The following DYNC1LI1 variants were observed in gnomAD, a reference collection of about 807,000 sequenced individuals.
The protein encoded by DYNC1LI1 is dynein cytoplasmic 1 light intermediate chain 1, also known as cytoplasmic dynein 1 light intermediate chain 1.
In DYNC1LI1, 19 loss-of-function variants were observed where a neutral mutation model predicts 63.8. The observed-to-expected ratio is 0.30, with a 90% confidence interval of 0.21 to 0.44. The LOEUF is 0.44. DYNC1LI1 is among the 20% of genes least tolerant of loss of function. The probability of loss-of-function intolerance (pLI) is 1.00; values close to 1 mark genes in which losing one functional copy is unlikely to be tolerated. For missense variants in DYNC1LI1, 565 were observed against 630.2 expected, an observed-to-expected ratio of 0.90 and a Z score of 1.11; for synonymous variants, 225 against 232.3, an observed-to-expected ratio of 0.97 and a Z score of 0.28.
intron 4 of DYNC1LI1, 128 bp downstream of exon 4, chr3:32,544,743 CAAAAA>C: frequency 1.1e-5 from 6 of 555,082 alleles, no homozygotes; most frequent in East Asian, 3.1e-5. Context: ...CTCTTGTCTC[CAAAAA>C]AAAAAAAAAA....
At chr3:32,536,674 A>C (rs1345357154) in intron 6 of DYNC1LI1, among the ~76,000 whole-genome samples, 1 of 152,146 alleles carries the variant, frequency 6.6e-6, no homozygotes, top group African/African-American at 2.4e-5. Flanking sequence ...CACAATACTG[A>C]CCTTGTCCTA....
At chr3:32,531,656 C>A (rs965965261) in intron 8 of DYNC1LI1, 2 of 152,148 alleles carry the variant, frequency 1.3e-5, no homozygotes, top group African/African-American at 4.8e-5. Context: ...ACCACACCAA[C>A]TGATTTTTCA....
Position 32,526,668 on chromosome 3 carries a change from C to T in DYNC1LI1, c.*131G>A. 3 of 668,686 alleles carry T rather than the reference C, an allele frequency of 4.5e-6. No homozygotes were observed. Among genetic ancestry groups the T allele is most frequent in the East Asian group, 5.5e-5 (2 of 36,220 alleles). The allele number at this position is 668,686 out of a possible 1,614,324, so 41.4% of individuals were successfully genotyped here. A position where few individuals can be genotyped will look rare whatever the true frequency, so the allele number is the denominator to read the frequency against. On this transcript the variant is annotated 3_prime_UTR_variant, in exon 13 of 13. Transcript: ENST00000273130. Reference sequence around the variant, plus strand: ...AAATGGGTAACCACACACACACACACACACACACACGACATAAATTTAGTC... The same window carrying T: ...AAATGGGTAACCACACACACACACATACACACACACGACATAAATTTAGTC...
At position 32,542,168 on chromosome 3, in the gene DYNC1LI1, T is replaced by A. The variant is rs1249663689; in HGVS notation, c.569-962A>T. Among the ~76,000 whole-genome samples the A allele has an allele frequency of 2.0e-5, 3 of 152,284 alleles. No individual in the cohort carries two copies. In the East Asian group the frequency reaches 5.8e-4, roughly 29 times the overall value. On this transcript the variant is annotated intron_variant, in intron 4 of 12. Transcript: ENST00000273130. ...TCTTGCTCTGTCACCCATGCTGGAG[T>A]GCAGCGGTGCAATCATGGCTCACTA... is the stretch of plus-strand genomic sequence containing the variant.
intron 12 of DYNC1LI1, among the ~76,000 whole-genome samples, chr3:32,528,165 A>G (rs1387104925): frequency 2.7e-5 from 4 of 149,730 alleles, no homozygotes; most frequent in Non-Finnish European, 3.0e-5. Context: ...ATTGATACAT[A>G]TTACAACATG....
intron 2 of DYNC1LI1, among the ~76,000 whole-genome samples, chr3:32,559,203 T>G (rs1337587285): frequency 6.6e-6 from 1 of 152,050 alleles, no homozygotes; most frequent in Non-Finnish European, 1.5e-5. Context: ...CATTACTTCT[T>G]GATCAGTAAT....
At chr3:32,530,864 C>A (rs560380164) in intron 8 of DYNC1LI1, 4 of 214,708 alleles carry the variant, frequency 1.9e-5, no homozygotes, top group Non-Finnish European at 3.8e-5. Flanking sequence ...AAGTGGCTAC[C>A]GTATTGAACA....
At chr3:32,542,364 G>A (rs182907879) in intron 4 of DYNC1LI1, among the ~76,000 whole-genome samples, 1 of 151,542 alleles carries the variant, frequency 6.6e-6, no homozygotes, top group African/African-American at 2.4e-5. Context: ...GCATCCCAAA[G>A]TGTTGGGATA....
chr3:32,540,154 C>A (rs981938612), intron 5 of DYNC1LI1, among the ~76,000 whole-genome samples: 19 of 151,792 alleles, frequency 1.3e-4, no homozygotes, highest in Non-Finnish European at 1.5e-5. Flanking sequence ...CAGGTGTGAG[C>A]CACCATGCCT....
At chr3:32,529,963 T>C (rs1485781887) in intron 10 of DYNC1LI1, among the ~76,000 whole-genome samples, 1 of 152,210 alleles carries the variant, frequency 6.6e-6, no homozygotes, top group Non-Finnish European at 1.5e-5. Flanking sequence ...TGTATTCTAC[T>C]AGCTTTATAA....
At chr3:32,532,187 C>G (rs1217637781) in intron 8 of DYNC1LI1, 1 of 151,988 alleles carries the variant, frequency 6.6e-6, no homozygotes, top group Non-Finnish European at 1.5e-5. Flanking sequence ...AAAACTGGGC[C>G]GGGTGCAGTG....
chr3:32,551,991 T>C (rs1035959535), intron 2 of DYNC1LI1, among the ~76,000 whole-genome samples: 1 of 152,206 alleles, frequency 6.6e-6, no homozygotes, highest in Non-Finnish European at 1.5e-5. Context: ...CCAAACTACT[T>C]ACTAGTCATT....
chr3:32,536,306 G>A (rs1697772978), intron 6 of DYNC1LI1, among the ~76,000 whole-genome samples: 1 of 152,114 alleles, frequency 6.6e-6, no homozygotes, highest in African/African-American at 2.4e-5. Flanking sequence ...GAATGCAACT[G>A]CAAAATATCT....
intron 2 of DYNC1LI1, among the ~76,000 whole-genome samples, chr3:32,552,218 A>T (rs1278683188): frequency 6.6e-6 from 1 of 152,110 alleles, no homozygotes; most frequent in Non-Finnish European, 1.5e-5. Context: ...TTACCTCCTC[A>T]GGTAGGCCTC....
chr3:32,528,433 C>T lies in DYNC1LI1; in HGVS notation c.1462+13G>A, dbSNP rs373688024. On this transcript the variant is annotated intron_variant, in intron 12 of 12. Transcript: ENST00000273130. Reference sequence around the variant, plus strand: ...GTTATTTTAAACAAGTGACTTGCTTCCCATAAGCATACCTGACTTTTTGGT... The same window carrying T: ...GTTATTTTAAACAAGTGACTTGCTTTCCATAAGCATACCTGACTTTTTGGT... 11 of 1,613,840 alleles carry T rather than the reference C, an allele frequency of 6.8e-6. No homozygotes were observed. The African/African-American group carries it at 1.2e-4, about 18-fold the overall frequency.
Position 32,545,289 on chromosome 3 carries a change from A to G in DYNC1LI1, c.338-183T>C, listed in dbSNP as rs987956983. The G allele has an allele frequency of 2.0e-5, 12 of 600,704 alleles. No individual in the cohort carries two copies. In the Admixed American group the frequency reaches 2.1e-4, roughly 11 times the overall value. 37.2% of individuals were successfully genotyped at this position (600,704 alleles called of 1,614,324 possible). ...GGCCGAAAATGACTTAACTGCCAGT[A>G]AAGTTCAACTGTTTAGGCCATCTGC... is the stretch of plus-strand genomic sequence containing the variant. On this transcript the variant is annotated intron_variant, in intron 3 of 12. Transcript: ENST00000273130.
chr3:32,544,866 G>C lies in DYNC1LI1; in HGVS notation c.568+10C>G. 1 of 1,568,992 alleles carries C rather than the reference G, an allele frequency of 6.4e-7. No homozygotes were observed. ...TTTGAAACCTACATTACTGTTTCTA[G>C]ATTACTTACACTTTTGTTCCATTTG... On this transcript the variant is annotated intron_variant, in intron 4 of 12. Coordinates refer to ENST00000273130, the MANE Select transcript of DYNC1LI1 (RefSeq NM_016141.4).
At position 32,533,781 on chromosome 3, in the gene DYNC1LI1, T is replaced by G. The variant is rs372600149; in HGVS notation, c.969-684A>C. On this transcript the variant is annotated intron_variant, in intron 7 of 12. Transcript: ENST00000273130. ...CTCACGATGTTGCTCAGGCTAGTCT[T>G]GGGCTCTTGGGCTCAAATAATCCTT... is the stretch of plus-strand genomic sequence containing the variant. Among the ~76,000 whole-genome samples, 5 of 151,940 alleles carry G rather than the reference T, an allele frequency of 3.3e-5. 1 individual carries two copies. The South Asian group carries it at 1.0e-3, about 32-fold the overall frequency.
At chr3:32,534,856 T>C (rs1394733578) in intron 6 of DYNC1LI1, among the ~76,000 whole-genome samples, 1 of 152,180 alleles carries the variant, frequency 6.6e-6, no homozygotes, top group African/African-American at 2.4e-5. Flanking sequence ...CATAATCAAT[T>C]TAACTTAGGA....
Sources: allele counts gnomAD v4.1 joint callset (sites outside exome capture counted in the v4.1 genomes callset), GRCh38; gene constraint gnomAD v4.1.1; transcripts MANE v1.5; gene names NCBI Gene and HGNC (gene_info 2026-07-23, HGNC 2026-07-21).